Variants in SLC1A6 observed in about 807,000 individuals in gnomAD.
The protein encoded by SLC1A6 is excitatory amino acid transporter 4.
Under a neutral mutation model 42.1 loss-of-function variants are expected in SLC1A6, and 15 were observed. The ratio of observed to expected loss-of-function variants is 0.36; its 90% CI spans 0.24 to 0.55. The LOEUF (loss-of-function observed/expected upper bound fraction) is 0.55. Ranked by LOEUF, SLC1A6 falls within the 20% of genes least tolerant of loss-of-function variation. SLC1A6 has a pLI of 0.88. For missense variants in SLC1A6, 542 were observed against 772.5 expected (o/e 0.70, Z 3.54); for synonymous variants, 317 against 319.7 (o/e 0.99, Z 0.09).
chr19:14,956,105 A>G (rs1285689891), intron 7 of SLC1A6, among the ~76,000 whole-genome samples: 1 of 151,980 alleles, frequency 6.6e-6, no homozygotes, highest in Admixed American at 6.6e-5. Context: ...GGGGAAGAAG[A>G]AGGAGGAGGA....
intron 1 of SLC1A6, among the ~76,000 whole-genome samples, chr19:14,996,571 C>CTTCTTCTTCTTCTTCTTCTTCT (rs1309559476): frequency 9.8e-4 from 31 of 31,494 alleles, no homozygotes; most frequent in African/African-American, 1.6e-3. Flanking sequence ...GTTCTTCTTC[C>CTTCTTCTTCTTCTTCTTCTTCT]TCTTCTTCTT....
At position 15,002,289 on chromosome 19, in the gene SLC1A6, T is replaced by A. The variant is rs1384491656; in HGVS notation, c.6+8196A>T. 2.0e-5 allele frequency among the ~76,000 whole-genome samples: 3 copies of A among 151,868 alleles called. No homozygotes were observed. The East Asian group carries it at 5.8e-4, about 30-fold the overall frequency. On this transcript the variant is annotated intron_variant, in intron 1 of 8. Coordinates refer to the SLC1A6 transcript ENST00000430939. ...TTTGTTTGGTTTGGTTTGGGTTGGGTTTTTTGTTTTGTTTTGTTTTTTGTT... is the reference window on the plus strand; with the variant it reads ...TTTGTTTGGTTTGGTTTGGGTTGGGATTTTTGTTTTGTTTTGTTTTTTGTT...
chr19:15,008,941 A>C (rs968066902), intron 1 of SLC1A6, among the ~76,000 whole-genome samples: 1 of 151,510 alleles, frequency 6.6e-6, no homozygotes, highest in Non-Finnish European at 1.5e-5. Flanking sequence ...GGTTGCAGTG[A>C]GCCGAGATCA....
At chr19:14,951,273 A>AAAAGAAAG (rs1555704149) in intron 9 of SLC1A6, among the ~76,000 whole-genome samples, 37 of 99,756 alleles carry the variant, frequency 3.7e-4, no homozygotes, top group South Asian at 1.2e-3. Context: ...AAAAAAAAAA[A>AAAAGAAAG]AAAAAGAAAG....
upstream of SLC1A6, among the ~76,000 whole-genome samples, chr19:14,983,689 A>G (rs2145226497): frequency 6.7e-6 from 1 of 150,288 alleles, no homozygotes; most frequent in East Asian, 2.0e-4. Flanking sequence ...TTTTAGCTCT[A>G]AAAAACAACA....
rs2045749704 is a variant in SLC1A6, at chr19:14,979,485, C to G, written c.-184G>C. ...CCGCGCCGCAGCCACACCGAGTCCC[C>G]GCGCCGAGCCGCGGAGTCCCCACTC... On this transcript the variant is annotated 5_prime_UTR_variant, in exon 1 of 10. Coordinates refer to ENST00000594383, the MANE Select transcript of SLC1A6 (RefSeq NM_005071.3). The surrounding 1 kb of genome is among the most constrained non-coding windows in gnomAD (Gnocchi z 4.2). 1 of 151,744 alleles carries G rather than the reference C, an allele frequency of 6.6e-6. No individual in the cohort carries two copies. The highest frequency in any genetic ancestry group is 1.5e-5 in the Non-Finnish European group (1 of 67,918). The allele number at this position is 151,744 out of a possible 1,614,324, so 9.4% of individuals were successfully genotyped here. A position where few individuals can be genotyped will look rare whatever the true frequency, so the allele number is the denominator to read the frequency against.
intron 6 of SLC1A6, among the ~76,000 whole-genome samples, chr19:14,957,502 G>A (rs746414406): frequency 7.2e-5 from 11 of 152,142 alleles, no homozygotes; most frequent in Non-Finnish European, 1.5e-4. Context: ...TCTGTCATTC[G>A]AAGACACAGC....
intron 6 of SLC1A6, among the ~76,000 whole-genome samples, chr19:14,957,564 T>C (rs952576259): frequency 6.6e-6 from 1 of 152,230 alleles, no homozygotes; most frequent in Non-Finnish European, 1.5e-5. Context: ...ACATGGAATC[T>C]GTGGGTGCCT....
intron 5 of SLC1A6, among the ~76,000 whole-genome samples, chr19:14,962,792 A>T (rs1404213038): frequency 6.6e-6 from 1 of 152,162 alleles, no homozygotes; most frequent in African/African-American, 2.4e-5. Context: ...AGTCCCAGCC[A>T]CTTGGGAGGC....
Position 14,972,778 on chromosome 19 carries a change from T to A in SLC1A6, c.133A>T (p.Thr45Ser). The A allele has an allele frequency of 1.2e-6, 2 of 1,613,816 alleles. No homozygotes were observed. The highest frequency in any genetic ancestry group is 1.7e-6 in the Non-Finnish European group (2 of 1,179,962). Residue 45 changes from threonine to serine, a missense_variant, in exon 2 of 10, where the codon ACC (threonine) becomes TCC (serine). By Grantham distance (58) the Thr-to-Ser change is moderately conservative. Around this residue, in one of 6 missense-constraint regions of SLC1A6, gnomAD observed 88 missense variants for 85.5 expected, o/e 1.03. Coordinates refer to ENST00000594383, the MANE Select transcript of SLC1A6 (RefSeq NM_005071.3). Reference sequence around the variant, plus strand: ...AGGAAGCGCAGCACGTGCTCGAGGGTCATGGTCTGCAGGCGCAGGCGCGTG... The same window carrying A: ...AGGAAGCGCAGCACGTGCTCGAGGGACATGGTCTGCAGGCGCAGGCGCGTG... ...LRTRLRLQTMTLEHVLRFLRR... is the reference protein window; with the variant it reads ...LRTRLRLQTMSLEHVLRFLRR...
At chr19:15,001,628 A>G (rs181941016) in intron 1 of SLC1A6, among the ~76,000 whole-genome samples, 86 of 152,110 alleles carry the variant, frequency 5.7e-4, no homozygotes, top group Non-Finnish European at 1.5e-5. Context: ...ACTTCACTGA[A>G]CCCACCTATT....
chr19:14,982,810 T>A (rs1437543259), upstream of SLC1A6, among the ~76,000 whole-genome samples: 4 of 152,202 alleles, frequency 2.6e-5, no homozygotes, highest in African/African-American at 9.7e-5. Flanking sequence ...ATCTTTACAG[T>A]ATCAGAAATT....
At chr19:14,957,454 C>G (rs1202419647) in intron 6 of SLC1A6, among the ~76,000 whole-genome samples, 1 of 152,088 alleles carries the variant, frequency 6.6e-6, no homozygotes, top group South Asian at 2.1e-4. Context: ...GGAATTAGTG[C>G]CCATATAAAA....
At chr19:14,966,888 G>A (rs2045580009) in intron 4 of SLC1A6, among the ~76,000 whole-genome samples, 2 of 151,988 alleles carry the variant, frequency 1.3e-5, no homozygotes, top group Admixed American at 6.6e-5. Flanking sequence ...GGCTGTGGGG[G>A]CAAAGGGAGG....
intron 1 of SLC1A6, among the ~76,000 whole-genome samples, chr19:14,998,767 T>C (rs954923824): frequency 6.6e-6 from 1 of 152,232 alleles, no homozygotes; most frequent in Non-Finnish European, 1.5e-5. Flanking sequence ...TCTACACTTT[T>C]TGGAGCATCC....
In SLC1A6 at chr19:14,959,530, A is replaced by G. The variant is rs543021859; in HGVS notation, c.935+2472T>C. Among the ~76,000 whole-genome samples, 33 of 152,336 alleles carry G rather than the reference A, an allele frequency of 2.2e-4. 1 individual carries two copies. The highest frequency in any genetic ancestry group is 2.1e-3 in the East Asian group (11 of 5,180). The stretch of plus-strand genomic sequence containing the variant: ...TGCTATTTCTTTATGGCACTGGGGA[A>G]CAAGCATTCTGTTTCTAAATAAACA... On this transcript the variant is annotated intron_variant, in intron 6 of 9. Coordinates refer to ENST00000594383, the MANE Select transcript of SLC1A6 (RefSeq NM_005071.3).
At chr19:15,004,730 A>G (rs918231154) in intron 1 of SLC1A6, among the ~76,000 whole-genome samples, 1 of 151,896 alleles carries the variant, frequency 6.6e-6, no homozygotes, top group African/African-American at 2.4e-5. Flanking sequence ...TATTCATTTC[A>G]TTATGTTTCC....
chr19:14,994,630 G>T (rs2045836406), intron 1 of SLC1A6, among the ~76,000 whole-genome samples: 2 of 152,186 alleles, frequency 1.3e-5, no homozygotes, highest in South Asian at 4.1e-4. Flanking sequence ...CTGCCTTGGA[G>T]AATCTGGTGG....
chr19:15,004,888 A>G (rs2045888753), intron 1 of SLC1A6, among the ~76,000 whole-genome samples: 1 of 152,158 alleles, frequency 6.6e-6, no homozygotes, highest in African/African-American at 2.4e-5. Flanking sequence ...TTTTTTGAAC[A>G]TCACTGTTTC....
Sources: gnomAD v4.1 joint callset for allele counts (sites outside exome capture counted in the v4.1 genomes callset) on GRCh38, gnomAD v4.1.1 for gene constraint, gnomAD v4.1.1 regional missense constraint, Gnocchi (gnomAD v3.1) non-coding constraint, MANE v1.5 for transcripts, NCBI Gene and HGNC (gene_info 2026-07-23, HGNC 2026-07-21) for gene names.